PDE1A: variants seen among roughly 807,000 people sequenced by gnomAD.
PDE1A encodes the protein dual specificity calcium/calmodulin-dependent 3',5'-cyclic nucleotide phosphodiesterase 1A.
A neutral mutation model predicts 61.7 loss-of-function variants in PDE1A; 35 were observed. That is an observed-to-expected ratio of 0.57 (90% confidence interval 0.43 to 0.75). PDE1A has a LOEUF of 0.75. PDE1A is among the 30% of genes least tolerant of loss of function. The pLI is 0.00. For synonymous variants in PDE1A, 232 were observed against 213.2 expected (o/e 1.09, Z -0.77); for missense variants, 597 against 630.6 (o/e 0.95, Z 0.57).
At chr2:182,676,442 A>T in the PDE1A span, among the ~76,000 whole-genome samples, 3 of 152,080 alleles carry the variant, frequency 2.0e-5, no homozygotes, top group South Asian at 2.1e-4. Context: ...AACCAAAAAA[A>T]AAAAGGCCAG....
At chr2:182,323,024 T>C (rs1045991183) in intron 1 of PDE1A, among the ~76,000 whole-genome samples, 1 of 152,120 alleles carries the variant, frequency 6.6e-6, no homozygotes, top group African/African-American at 2.4e-5. Context: ...TTATACATAA[T>C]ATAACTATTC....
At chr2:182,200,011 C>A (rs1468950494) in intron 10 of PDE1A, among the ~76,000 whole-genome samples, 1 of 151,904 alleles carries the variant, frequency 6.6e-6, no homozygotes, top group Non-Finnish European at 1.5e-5. Flanking sequence ...GTGAGTCATC[C>A]AAACATAGTA....
intron 2 of PDE1A, among the ~76,000 whole-genome samples, chr2:182,443,533 G>C (rs1213059812): frequency 6.6e-6 from 1 of 151,736 alleles, no homozygotes; most frequent in Non-Finnish European, 1.5e-5. Flanking sequence ...GAAAGTGTGT[G>C]ACACTTCCTC....
At chr2:182,628,668 C>G in the PDE1A span, among the ~76,000 whole-genome samples, 2 of 151,776 alleles carry the variant, frequency 1.3e-5, no homozygotes. Flanking sequence ...TTCTTAATGT[C>G]TGTTTTTTTT....
At chr2:182,412,577 G>T (rs1053618686) in intron 1 of PDE1A, among the ~76,000 whole-genome samples, 3 of 152,154 alleles carry the variant, frequency 2.0e-5, no homozygotes, top group African/African-American at 7.2e-5. Context: ...TGGGCTATAA[G>T]AACAAGAGGC....
chr2:182,193,867 T>C lies in PDE1A; in HGVS notation c.1126-4807A>G, dbSNP rs1170578226. 3.3e-5 allele frequency among the ~76,000 whole-genome samples: 5 copies of C among 152,288 alleles called. 1 individual carries two copies. The highest frequency in any genetic ancestry group is 2.6e-4 in the Admixed American group (4 of 15,292). On this transcript the variant is annotated intron_variant, in intron 10 of 13. Transcript: ENST00000351439. The stretch of plus-strand genomic sequence containing the variant: ...TCTTGGCTCATAGCTACAGTTCTTT[T>C]CATTTCTGCAATTTTAGGGGTTATG...
chr2:182,492,375 T>C (rs1417197976), intron 2 of PDE1A, among the ~76,000 whole-genome samples: 1 of 152,226 alleles, frequency 6.6e-6, no homozygotes, highest in African/African-American at 2.4e-5. Flanking sequence ...AAGCTCTAAA[T>C]ATGATAGAAG....
chr2:182,580,870 C>CT, the PDE1A span, among the ~76,000 whole-genome samples: 3 of 151,972 alleles, frequency 2.0e-5, no homozygotes, highest in Non-Finnish European at 2.9e-5. Flanking sequence ...ATTTTTGTCC[C>CT]TTTTTCCCCA....
chr2:182,230,390 G>A (rs1246253619), intron 5 of PDE1A, among the ~76,000 whole-genome samples: 1 of 152,132 alleles, frequency 6.6e-6, no homozygotes, highest in African/African-American at 2.4e-5. Flanking sequence ...TGTACTATAG[G>A]CTTGAAATTT....
At chr2:182,351,145 C>T (rs1698851871) in intron 1 of PDE1A, among the ~76,000 whole-genome samples, 1 of 152,172 alleles carries the variant, frequency 6.6e-6, no homozygotes, top group African/African-American at 2.4e-5. Context: ...CTTCTAGGGA[C>T]TCTAGAAATA....
chr2:182,552,842 CT>C, the PDE1A span, among the ~76,000 whole-genome samples: 1 of 152,174 alleles, frequency 6.6e-6, no homozygotes, highest in African/African-American at 2.4e-5. Flanking sequence ...TCTATTAAAT[CT>C]TGCAACTGCA....
chr2:182,706,505 T>C, the PDE1A span, among the ~76,000 whole-genome samples: 14 of 152,198 alleles, frequency 9.2e-5, no homozygotes, highest in African/African-American at 3.4e-4. Context: ...TTGAAACTGG[T>C]TGAAATGAGT....
chr2:182,653,038 C>A, the PDE1A span, among the ~76,000 whole-genome samples: 4 of 152,156 alleles, frequency 2.6e-5, no homozygotes, highest in East Asian at 7.7e-4. Flanking sequence ...GATCATGGGG[C>A]TCATTTCCCC....
intron 2 of PDE1A, among the ~76,000 whole-genome samples, chr2:182,443,845 A>T (rs999740924): frequency 1.3e-5 from 2 of 151,558 alleles, no homozygotes; most frequent in Non-Finnish European, 2.9e-5. Context: ...CTGGGATTAC[A>T]GGCATGCGCC....
At chr2:182,482,658 G>A (rs190752493) in intron 2 of PDE1A, among the ~76,000 whole-genome samples, 14 of 152,056 alleles carry the variant, frequency 9.2e-5, no homozygotes, top group South Asian at 2.1e-4. Flanking sequence ...AGGAGTCTGC[G>A]GAATTCCAGC....
At chr2:182,200,435 C>T (rs1350218277) in intron 10 of PDE1A, among the ~76,000 whole-genome samples, 1 of 152,106 alleles carries the variant, frequency 6.6e-6, no homozygotes, top group African/African-American at 2.4e-5. Flanking sequence ...GTAATGAAAC[C>T]TTGATAAATA....
intron 1 of PDE1A, among the ~76,000 whole-genome samples, chr2:182,265,727 C>G (rs1174507666): frequency 6.6e-6 from 1 of 152,242 alleles, no homozygotes; most frequent in African/African-American, 2.4e-5. Context: ...AAATTGTAAG[C>G]TGCGTGTTTC....
chr2:182,707,889 G>T, the PDE1A span, among the ~76,000 whole-genome samples: 1 of 152,036 alleles, frequency 6.6e-6, no homozygotes, highest in Non-Finnish European at 1.5e-5. Flanking sequence ...GGAGAGGTTG[G>T]GTAAGATACG....
chr2:182,232,632 C>A (rs972335831), intron 4 of PDE1A, among the ~76,000 whole-genome samples: 2 of 152,128 alleles, frequency 1.3e-5, no homozygotes, highest in African/African-American at 2.4e-5. Context: ...TTGCATTTGG[C>A]CCTTATTTGA....
Sources: allele counts gnomAD v4.1 joint callset (sites outside exome capture counted in the v4.1 genomes callset), GRCh38; gene constraint gnomAD v4.1.1; transcripts MANE v1.5; gene names NCBI Gene and HGNC (gene_info 2026-07-23, HGNC 2026-07-21).